MAD1L1: variants seen among roughly 807,000 people sequenced by gnomAD.
MAD1L1 encodes mitotic arrest deficient 1 like 1.
In MAD1L1, 95 loss-of-function variants were observed where a neutral mutation model predicts 96.9. The observed-to-expected ratio is 0.98, with a 90% confidence interval of 0.83 to 1.16. The LOEUF (loss-of-function observed/expected upper bound fraction) is 1.16, where lower values mean the gene tolerates loss of function less well. Ranked by LOEUF, MAD1L1 falls within the 50% of genes most tolerant of loss-of-function variation. The pLI is 0.00. For synonymous variants in MAD1L1, 473 were observed against 396.6 expected, an observed-to-expected ratio of 1.19 and a Z score of -2.29; for missense variants, 1,007 against 954.4, an observed-to-expected ratio of 1.06 and a Z score of -0.73.
rs557277073 is a variant in MAD1L1, at chr7:2,008,194, G to A, written c.1360-6073C>T. On this transcript the variant is annotated intron_variant, in intron 13 of 18. Coordinates refer to ENST00000265854, the MANE Select transcript of MAD1L1 (RefSeq NM_001013836.2). ...GCTCGGGGAGAACCACACTCACAAG[G>A]GCGAGGAGCTGGCACAGCCCGTGTG... Among the ~76,000 whole-genome samples, 5 of 152,292 alleles carry A rather than the reference G, an allele frequency of 3.3e-5. No homozygotes were observed. In the South Asian group the frequency reaches 1.0e-3, roughly 32 times the overall value.
chr7:2,143,783 G>A (rs150940073), intron 11 of MAD1L1, among the ~76,000 whole-genome samples: 5 of 152,192 alleles, frequency 3.3e-5, no homozygotes, highest in East Asian at 2.0e-4. Flanking sequence ...AAACTGCGGC[G>A]ATCACAGCCC....
intron 13 of MAD1L1, among the ~76,000 whole-genome samples, chr7:2,009,816 A>G (rs970341409): frequency 5.3e-5 from 8 of 152,194 alleles, no homozygotes; most frequent in African/African-American, 1.7e-4. Flanking sequence ...CCTCACGCCC[A>G]GCAACGTCAG....
At chr7:2,024,539 A>G (rs1009733723) in intron 12 of MAD1L1, among the ~76,000 whole-genome samples, 1 of 152,184 alleles carries the variant, frequency 6.6e-6, no homozygotes, top group Non-Finnish European at 1.5e-5. Context: ...AAACTCCACA[A>G]TGAGACCCCT....
intron 11 of MAD1L1, among the ~76,000 whole-genome samples, chr7:2,072,320 G>A (rs1045780145): frequency 3.3e-5 from 5 of 152,242 alleles, no homozygotes; most frequent in Non-Finnish European, 5.9e-5. Flanking sequence ...TGCGACGTGA[G>A]AGCAGAGGAA....
chr7:2,001,232 G>C (rs1471388498), intron 14 of MAD1L1, among the ~76,000 whole-genome samples: 1 of 152,284 alleles, frequency 6.6e-6, no homozygotes, highest in Non-Finnish European at 1.5e-5. Flanking sequence ...CAGCAGCTCT[G>C]CCTGTGACCC....
chr7:2,017,250 C>G (rs1263061274), intron 12 of MAD1L1, among the ~76,000 whole-genome samples: 5 of 152,240 alleles, frequency 3.3e-5, no homozygotes, highest in Admixed American at 6.5e-5. Context: ...CGGTGATTAA[C>G]TGCTGAACAA....
At chr7:1,937,595 A>AACAGCCGCCCACAGCAGGGG (rs1562541048) in intron 16 of MAD1L1, among the ~76,000 whole-genome samples, 4 of 151,030 alleles carry the variant, frequency 2.6e-5, no homozygotes, top group African/African-American at 7.3e-5. Flanking sequence ...CACAGCAGGG[A>AACAGCCGCCCACAGCAGGGG]ACAGCCGCCC....
intron 18 of MAD1L1, among the ~76,000 whole-genome samples, chr7:1,888,729 C>A (rs1786344408): frequency 6.7e-6 from 1 of 149,520 alleles, no homozygotes; most frequent in Non-Finnish European, 1.5e-5. Flanking sequence ...ATGTGGGTGG[C>A]TGTGCATGGG....
At chr7:2,130,678 G>A (rs1398590437) in intron 11 of MAD1L1, among the ~76,000 whole-genome samples, 3 of 152,228 alleles carry the variant, frequency 2.0e-5, no homozygotes, top group Admixed American at 6.5e-5. Context: ...GAGCGTGTCC[G>A]CGACTCTCTC....
chr7:2,223,787 A>G (rs552054741), intron 4 of MAD1L1, among the ~76,000 whole-genome samples: 29 of 152,346 alleles, frequency 1.9e-4, no homozygotes, highest in Non-Finnish European at 4.0e-4. Flanking sequence ...TGGAACTGCC[A>G]GTCCCAGCGC....
intron 11 of MAD1L1, among the ~76,000 whole-genome samples, chr7:2,121,043 C>G (rs114777636): frequency 6.6e-6 from 1 of 152,178 alleles, no homozygotes; most frequent in Admixed American, 6.5e-5. Context: ...CGCACGGTGA[C>G]GGCAGGGCTC....
At chr7:2,037,280 TC>T (rs1235233673) in intron 12 of MAD1L1, among the ~76,000 whole-genome samples, 1 of 151,794 alleles carries the variant, frequency 6.6e-6, no homozygotes, top group Non-Finnish European at 1.5e-5. Context: ...TTTCACATAT[TC>T]CACACCCAGG....
chr7:2,116,672 C>T (rs998891683), intron 11 of MAD1L1, among the ~76,000 whole-genome samples: 1 of 152,016 alleles, frequency 6.6e-6, no homozygotes. Flanking sequence ...GGCCCAGGTC[C>T]ATCGGACTGG....
chr7:2,094,715 G>A (rs73034423), intron 11 of MAD1L1, among the ~76,000 whole-genome samples: 4,124 of 152,244 alleles, frequency 0.027, 97 homozygotes, highest in South Asian at 0.09. Context: ...CAAAGGCCCC[G>A]GGGCAGGAGC....
At chr7:2,115,356 G>A (rs1016721164) in intron 11 of MAD1L1, among the ~76,000 whole-genome samples, 3 of 144,802 alleles carry the variant, frequency 2.1e-5, no homozygotes, top group Admixed American at 6.9e-5. Flanking sequence ...GGAGGCACTG[G>A]ACAGGGTCCC....
intron 16 of MAD1L1, among the ~76,000 whole-genome samples, chr7:1,954,013 A>ACTAGCCTCACTGTGTGTCCTGC (rs1779617338): frequency 6.6e-6 from 1 of 151,964 alleles, no homozygotes; most frequent in Non-Finnish European, 1.5e-5. Flanking sequence ...GTGAGCCCCG[A>ACTAGCCTCACTGTGTGTCCTGC]CTAGCCTCAC....
At chr7:1,828,179 A>G (rs1782525530) in intron 18 of MAD1L1, among the ~76,000 whole-genome samples, 1 of 152,174 alleles carries the variant, frequency 6.6e-6, no homozygotes, top group African/African-American at 2.4e-5. Flanking sequence ...CCACAAGGAC[A>G]GATGCACCTG....
At chr7:2,171,007 G>A (rs1323592923) in intron 10 of MAD1L1, among the ~76,000 whole-genome samples, 2 of 152,188 alleles carry the variant, frequency 1.3e-5, no homozygotes, top group Non-Finnish European at 2.9e-5. Flanking sequence ...ACAGTTCAAA[G>A]AGCACAGTTG....
chr7:1,898,679 AG>A (rs1478420578), intron 17 of MAD1L1, among the ~76,000 whole-genome samples: 1 of 152,226 alleles, frequency 6.6e-6, no homozygotes, highest in Non-Finnish European at 1.5e-5. Context: ...GCCCCTCCAC[AG>A]GGATCAGCCC....
Sources: allele counts gnomAD v4.1 joint callset (sites outside exome capture counted in the v4.1 genomes callset), GRCh38; gene constraint gnomAD v4.1.1; transcripts MANE v1.5; gene names NCBI Gene and HGNC (gene_info 2026-07-23, HGNC 2026-07-21).